Variants in C1orf94 observed in about 807,000 individuals in gnomAD.
The protein encoded by C1orf94 is chromosome 1 open reading frame 94.
In C1orf94, 45 loss-of-function variants were observed where a neutral mutation model predicts 53.6. The ratio of observed to expected loss-of-function variants is 0.84; its 90% CI spans 0.66 to 1.08. The LOEUF (loss-of-function observed/expected upper bound fraction) is 1.08. Among genes scored for constraint, C1orf94 ranks in the 50% least tolerant of loss-of-function variants. The pLI, the probability that C1orf94 is intolerant of heterozygous loss-of-function variation, is 0.00. For synonymous variants in C1orf94, 304 were observed against 296.1 expected, an observed-to-expected ratio of 1.03 and a Z score of -0.27; for missense variants, 762 against 738.9, an observed-to-expected ratio of 1.03 and a Z score of -0.36.
intron 5 of C1orf94, among the ~76,000 whole-genome samples, chr1:34,210,303 T>C (rs757587409): frequency 1.7e-4 from 26 of 152,196 alleles, no homozygotes; most frequent in Non-Finnish European, 2.9e-4. Flanking sequence ...GACCTTTAGC[T>C]CATCACCTTG....
intron 1 of C1orf94, among the ~76,000 whole-genome samples, chr1:34,181,248 C>G (rs950984281): frequency 1.3e-5 from 2 of 152,204 alleles, no homozygotes; most frequent in African/African-American, 4.8e-5. Flanking sequence ...CTAACCACCT[C>G]TGGTTTTCTA....
chr1:34,186,082 T>TCTCTTTTTCCCACATTC (rs1642380678), intron 1 of C1orf94, among the ~76,000 whole-genome samples: 1 of 152,238 alleles, frequency 6.6e-6, no homozygotes, highest in Non-Finnish European at 1.5e-5. Context: ...CATTTTTCTT[T>TCTCTTTTTCCCACATTC]CTCTTTTTCC....
chr1:34,190,160 G>A (rs941567209), intron 1 of C1orf94, among the ~76,000 whole-genome samples: 11 of 152,134 alleles, frequency 7.2e-5, no homozygotes, highest in African/African-American at 2.4e-4. Context: ...GTGGGGACAA[G>A]TGCCACCTGT....
Position 34,177,628 on chromosome 1 carries a change from A to G in C1orf94, c.-162A>G. 1.7e-6 allele frequency: 1 copy of G among 604,490 alleles called. No homozygotes were observed. The highest frequency in any genetic ancestry group is 2.8e-6 in the Non-Finnish European group (1 of 356,396). The allele number at this position is 604,490 out of a possible 1,614,324, so 37.4% of individuals were successfully genotyped here. ...AAAAGTCAGGAAAGAGCAAATAAAA[A>G]CAAATCAAAATAAGCCCTCCCCTCC... On this transcript the variant is annotated 5_prime_UTR_variant, in exon 1 of 7. Transcript: ENST00000488417.
At position 34,214,673 on chromosome 1, in the gene C1orf94, C is replaced by A. The variant is rs531626683; in HGVS notation, c.1721+2267C>A. Reference sequence around the variant, plus strand: ...TCCTCAGTCAGCTTTCGGGAACCACCGACTGGGAGCTGTGAGACCAGAAGG... The same window carrying A: ...TCCTCAGTCAGCTTTCGGGAACCACAGACTGGGAGCTGTGAGACCAGAAGG... On this transcript the variant is annotated intron_variant, in intron 6 of 6. Coordinates refer to ENST00000488417, the MANE Select transcript of C1orf94 (RefSeq NM_001134734.2). Among the ~76,000 whole-genome samples the A allele has an allele frequency of 7.0e-4, 106 of 152,234 alleles. 2 individuals are homozygous for A. In the Middle Eastern group the frequency reaches 0.034, roughly 49 times the overall value.
At chr1:34,186,747 G>A (rs776599207) in intron 1 of C1orf94, among the ~76,000 whole-genome samples, 2 of 152,186 alleles carry the variant, frequency 1.3e-5, no homozygotes, top group Non-Finnish European at 2.9e-5. Context: ...CTTAATCGGG[G>A]CTATCAGCCC....
rs770442120 is a variant in C1orf94 at position 34,212,364 on chromosome 1, T to C, written c.1679T>C (p.Met560Thr). ...MSANPRDPPL[M>T]AGDGPQYLFP... is the part of the protein sequence containing the mutation. ...GCCAACCCCCGAGACCCTCCCCTAA[T>C]GGCAGGAGATGGACCGCAGTACCTC... The change falls in exon 6 of 7, where the codon ATG becomes ACG. Residue 560 changes from methionine to threonine, a missense_variant. Transcript: ENST00000488417. The C allele has an allele frequency of 2.5e-6, 4 of 1,611,940 alleles. No individual in the cohort carries two copies. Among genetic ancestry groups the C allele is most frequent in the Non-Finnish European group, 2.5e-6 (3 of 1,179,312 alleles).
At chr1:34,187,025 G>A (rs114412727) in intron 1 of C1orf94, among the ~76,000 whole-genome samples, 2,044 of 152,186 alleles carry the variant, frequency 0.013, 25 homozygotes, top group Middle Eastern at 0.02. Context: ...AAGGGGTCAC[G>A]GTCATCAGAG....
At position 34,200,499 on chromosome 1, in the gene C1orf94, C is replaced by T. The variant is rs953312373; in HGVS notation, c.1010-273C>T. On this transcript the variant is annotated intron_variant, in intron 2 of 6. Transcript: ENST00000488417. ...ACAGATGGATGGATGGATAAGTAGA[C>T]GGATAGAAGGAAGAAAGGCAAAGAT... Among the ~76,000 whole-genome samples, 21 of 151,668 alleles carry T rather than the reference C, an allele frequency of 1.4e-4. 1 individual carries two copies. Among genetic ancestry groups the T allele is most frequent in the East Asian group, 9.7e-4 (5 of 5,156 alleles).
Position 34,197,803 on chromosome 1 carries a change from G to T in C1orf94, c.899G>T (p.Arg300Leu), listed in dbSNP as rs535454453. The change falls in exon 2 of 7, where the codon CGT (arginine) becomes CTT (leucine). Residue 300 changes from arginine (R) to leucine (L), a missense_variant. Arg to Leu is a moderately radical substitution (Grantham distance 102). Transcript: ENST00000488417. This position sits in a 1 kb window ranked among gnomAD's most constrained non-coding sequence, Gnocchi z 4.1. The stretch of plus-strand genomic sequence containing the variant: ...CTGCCTCCCCGACCTCCTCCTGCAC[G>T]TCCTGACAAGCTCCCTGAGCTCCCT... ...LLLPPRPPPARPDKLPELPAQ... is the reference protein window; with the variant it reads ...LLLPPRPPPALPDKLPELPAQ... 2.4e-5 allele frequency: 38 copies of T among 1,614,064 alleles called. No individual in the cohort carries two copies. The highest frequency in any genetic ancestry group is 3.1e-5 in the Non-Finnish European group (36 of 1,180,040).
chr1:34,203,902 T>C (rs1642752507), intron 4 of C1orf94, among the ~76,000 whole-genome samples: 1 of 152,214 alleles, frequency 6.6e-6, no homozygotes, highest in African/African-American at 2.4e-5. Context: ...ATAGTCCCTT[T>C]AGGTAGAACT....
At chr1:34,174,106 A>G (rs1642186415), upstream of C1orf94, among the ~76,000 whole-genome samples, 1 of 152,244 alleles carries the variant, frequency 6.6e-6, no homozygotes, top group African/African-American at 2.4e-5. Flanking sequence ...ATTTTGACCC[A>G]TGATGGATGC....
chr1:34,204,707 C>A (rs1364154683), intron 4 of C1orf94, among the ~76,000 whole-genome samples: 2 of 152,132 alleles, frequency 1.3e-5, no homozygotes, highest in Non-Finnish European at 2.9e-5. Context: ...CTACTAGAGG[C>A]TGAGCATTGT....
At chr1:34,193,734 A>G (rs1642534878) in intron 1 of C1orf94, among the ~76,000 whole-genome samples, 2 of 152,256 alleles carry the variant, frequency 1.3e-5, no homozygotes, top group African/African-American at 2.4e-5. Context: ...ATGAACACAT[A>G]TATGGATGAC....
chr1:34,194,455 G>A (rs1294031300), intron 1 of C1orf94, among the ~76,000 whole-genome samples: 1 of 152,112 alleles, frequency 6.6e-6, no homozygotes, highest in Non-Finnish European at 1.5e-5. Flanking sequence ...GGTGATTTTT[G>A]GTACAGGGAT....
chr1:34,212,321 A>T lies in C1orf94; in HGVS notation c.1636A>T (p.Thr546Ser). Residue 546 changes from threonine (T) to serine (S), a missense_variant, in exon 6 of 7, where the codon ACA (threonine) becomes TCA (serine). Thr to Ser is a moderately conservative substitution (Grantham distance 58). Transcript: ENST00000488417. ...VQPNYPYPQR[T>S]PPKMSANPRD... ...GCCCAATTATCCCTACCCTCAGAGG[A>T]CACCTCCAAAGATGTCTGCCAACCC... 6.2e-7 allele frequency: 1 copy of T among 1,613,654 alleles called. No homozygotes were observed. Among genetic ancestry groups the T allele is most frequent in the Non-Finnish European group, 8.5e-7 (1 of 1,179,914 alleles).
At chr1:34,200,743 G>A (rs1417339530) in intron 2 of C1orf94, 29 bp from the exon 3 acceptor site, 2 of 1,612,792 alleles carry the variant, frequency 1.2e-6, no homozygotes, top group Admixed American at 1.7e-5. Context: ...CCTTCCAGAG[G>A]CATTGACTCA....
Position 34,183,367 on chromosome 1 carries a change from G to A in C1orf94, c.320+5258G>A, listed in dbSNP as rs560866280. Among the ~76,000 whole-genome samples the A allele has an allele frequency of 6.9e-4, 105 of 152,302 alleles. 1 individual carries two copies. The South Asian group carries it at 0.011, about 15-fold the overall frequency. ...GGTCTTTGGATTTGCTGTTGACTCC[G>A]TTGCCCTAACTACAGAATGACATTT... On this transcript the variant is annotated intron_variant, in intron 1 of 6. Transcript: ENST00000488417.
At chr1:34,172,522 T>C (rs180742662), upstream of C1orf94, among the ~76,000 whole-genome samples, 29 of 152,322 alleles carry the variant, frequency 1.9e-4, no homozygotes, top group East Asian at 5.6e-3. Context: ...GTTAAGTATA[T>C]ACAAAGCCAC....
Sources: allele counts gnomAD v4.1 joint callset (sites outside exome capture counted in the v4.1 genomes callset), GRCh38; gene constraint gnomAD v4.1.1; non-coding constraint Gnocchi (gnomAD v3.1); transcripts MANE v1.5; gene names NCBI Gene and HGNC (gene_info 2026-07-23, HGNC 2026-07-21).